Variants in VRK3 observed in about 807,000 individuals in gnomAD.
The protein encoded by VRK3 is serine/threonine-protein kinase VRK3.
A neutral mutation model predicts 60.4 loss-of-function variants in VRK3; 50 were observed. The ratio of observed to expected loss-of-function variants is 0.83; its 90% CI spans 0.66 to 1.05. The LOEUF is 1.05. VRK3 is among the 50% of genes least tolerant of loss of function. The pLI is 0.00. For synonymous variants in VRK3, 246 were observed against 227.8 expected (o/e 1.08, Z -0.72); for missense variants, 549 against 585.3 (o/e 0.94, Z 0.64).
intron 3 of VRK3, among the ~76,000 whole-genome samples, chr19:50,015,072 TC>T (rs547751412): frequency 1.3e-5 from 2 of 151,782 alleles, no homozygotes; most frequent in Non-Finnish European, 2.9e-5. Flanking sequence ...ATCCCCAGGG[TC>T]CGGCCTGGGA....
chr19:50,004,759 A>G (rs2076866579), intron 5 of VRK3, among the ~76,000 whole-genome samples: 1 of 151,798 alleles, frequency 6.6e-6, no homozygotes, highest in South Asian at 2.1e-4. Flanking sequence ...AAAATTAAAA[A>G]ATTAGCCTGG....
intron 14 of VRK3, among the ~76,000 whole-genome samples, chr19:49,978,215 T>G (rs2076364244): frequency 6.6e-6 from 1 of 152,014 alleles, no homozygotes; most frequent in East Asian, 1.9e-4. Flanking sequence ...CAACCAAGTG[T>G]CTCCAGACAC....
intron 12 of VRK3, chr19:49,981,535 A>T: frequency 3.2e-6 from 1 of 313,438 alleles, no homozygotes; most frequent in Non-Finnish European, 4.7e-6. Context: ...ACAGAGAGAG[A>T]CTCCGTCTCA....
chr19:49,985,881 T>C (rs1211573362), intron 12 of VRK3, among the ~76,000 whole-genome samples: 2 of 152,180 alleles, frequency 1.3e-5, no homozygotes, highest in African/African-American at 2.4e-5. Context: ...TGGAGTTGAA[T>C]GGCCCAGGTT....
chr19:49,981,730 A>T, intron 12 of VRK3: 1 of 1,006,524 alleles, frequency 9.9e-7, no homozygotes, highest in Non-Finnish European at 1.2e-6. Flanking sequence ...TATTACTTAC[A>T]GGTCCTGGGG....
rs201432963 is a variant in VRK3 at position 50,007,755 on chromosome 19, C to A, written c.361G>T (p.Gly121Cys). 1.2e-6 allele frequency: 2 copies of A among 1,613,688 alleles called. No homozygotes were observed. The highest frequency in any genetic ancestry group is 3.3e-5 in the Admixed American group (2 of 59,980). The change falls in exon 5 of 15, where the codon GGT (glycine) becomes TGT (cysteine). Residue 121 changes from glycine to cysteine, a missense_variant. Gly to Cys is a radical substitution (Grantham distance 159). Transcript: ENST00000316763. ...KTRKSPQVTRGSPQKTSCSPQ... is the reference protein window; with the variant it reads ...KTRKSPQVTRCSPQKTSCSPQ... ...CTACAGCTGGTCTTCTGAGGGCTAC[C>A]CCTGGTCACCTGAGGGCTCTTCCTG...
chr19:50,013,399 A>C (rs1267643642), intron 3 of VRK3, among the ~76,000 whole-genome samples: 1 of 152,204 alleles, frequency 6.6e-6, no homozygotes, highest in Non-Finnish European at 1.5e-5. Flanking sequence ...CCTTTTAGTA[A>C]GAAAAATATT....
At chr19:50,013,533 T>C (rs1228495784) in intron 3 of VRK3, among the ~76,000 whole-genome samples, 1 of 152,276 alleles carries the variant, frequency 6.6e-6, no homozygotes, top group Admixed American at 6.5e-5. Flanking sequence ...TGAATGTCAC[T>C]TGACTCCCCG....
intron 13 of VRK3, among the ~76,000 whole-genome samples, chr19:49,980,734 A>T (rs1284007977): frequency 6.6e-6 from 1 of 151,672 alleles, no homozygotes; most frequent in Non-Finnish European, 1.5e-5. Flanking sequence ...AAAAAAAAAA[A>T]TTACCCTGTC....
intron 2 of VRK3, among the ~76,000 whole-genome samples, chr19:50,019,674 C>CTTTTTTTTTTTTTTTT (rs568877003): frequency 8.9e-5 from 4 of 45,018 alleles, no homozygotes; most frequent in Admixed American, 3.9e-4. Context: ...CATGCCTGGC[C>CTTTTTTTTTTTTTTTT]TTTTTTTTTT....
At chr19:49,995,973 G>A (rs10417604) in intron 7 of VRK3, among the ~76,000 whole-genome samples, 7,950 of 151,578 alleles carry the variant, frequency 0.052, 678 homozygotes, top group African/African-American at 0.18. Flanking sequence ...CCAGGCTGGA[G>A]AGCAGTGGCG....
intron 12 of VRK3, chr19:49,986,842 C>G (rs1320223389): frequency 6.6e-6 from 1 of 152,284 alleles, no homozygotes; most frequent in African/African-American, 2.4e-5. Context: ...TCCCTTTAGA[C>G]TTCACTCCTG....
At chr19:50,006,015 G>T (rs533613665) in intron 5 of VRK3, among the ~76,000 whole-genome samples, 6 of 149,430 alleles carry the variant, frequency 4.0e-5, no homozygotes, top group Admixed American at 3.9e-4. Context: ...AATTTTCGTG[G>T]TGGCTCATGC....
intron 5 of VRK3, among the ~76,000 whole-genome samples, chr19:50,006,328 A>T (rs2076890942): frequency 6.6e-6 from 1 of 151,400 alleles, no homozygotes; most frequent in Admixed American, 6.6e-5. Flanking sequence ...AAAAAATAAT[A>T]AATAATAATA....
At chr19:49,985,445 C>T (rs997873576) in intron 12 of VRK3, among the ~76,000 whole-genome samples, 2 of 152,230 alleles carry the variant, frequency 1.3e-5, no homozygotes, top group Non-Finnish European at 2.9e-5. Context: ...GGCAAATTAG[C>T]ATCAAACTGT....
At chr19:50,000,949 GC>G in intron 5 of VRK3, 95 bp from the exon 6 acceptor site, 1 of 1,233,172 alleles carries the variant, frequency 8.1e-7, no homozygotes, top group Admixed American at 2.3e-5. Context: ...CGGCTCTGGT[GC>G]CCTGGTTCCA....
intron 13 of VRK3, 91 bp from the exon 14 acceptor site, chr19:49,979,333 G>T: frequency 6.4e-7 from 1 of 1,566,252 alleles, no homozygotes; most frequent in South Asian, 1.1e-5. Flanking sequence ...TGGAGGGGTG[G>T]GGGACTGAGG....
chr19:50,016,247 G>C, intron 2 of VRK3, 84 bp from the exon 3 acceptor site: 1 of 1,565,460 alleles, frequency 6.4e-7, no homozygotes, highest in Non-Finnish European at 8.7e-7. Flanking sequence ...CTTAATCACA[G>C]GGTGAGTGGC....
chr19:50,007,713 G>T lies in VRK3; in HGVS notation c.403C>A (p.Gln135Lys), dbSNP rs2076921124. Residue 135 changes from glutamine (Q) to lysine (K), a missense_variant, in exon 5 of 15, where the codon CAG becomes AAG. Gln to Lys is a moderately conservative substitution (Grantham distance 53, BLOSUM62 1). Transcript: ENST00000316763. ...CTCCGCTTCAGCGTCTGAGGGCTCTGCCTGGTCTTCTGAGGGCTACAGCTG... is the reference window on the plus strand; with the variant it reads ...CTCCGCTTCAGCGTCTGAGGGCTCTTCCTGGTCTTCTGAGGGCTACAGCTG... The part of the protein sequence containing the change: ...KTSCSPQKTR[Q>K]SPQTLKRSRV... 5.6e-6 allele frequency: 9 copies of T among 1,614,064 alleles called. No individual in the cohort carries two copies. The highest frequency in any genetic ancestry group is 7.6e-6 in the Non-Finnish European group (9 of 1,180,014).
Sources: gnomAD v4.1 joint callset for allele counts (sites outside exome capture counted in the v4.1 genomes callset) on GRCh38, gnomAD v4.1.1 for gene constraint, MANE v1.5 for transcripts, NCBI Gene and HGNC (gene_info 2026-07-23, HGNC 2026-07-21) for gene names.